SAMSN1: variants seen among roughly 807,000 people sequenced by gnomAD.
SAMSN1 encodes the protein SAM domain, SH3 domain and nuclear localization signals 1.
A neutral mutation model predicts 42.0 loss-of-function variants in SAMSN1; 31 were observed. That is an observed-to-expected ratio of 0.74 (90% CI 0.55 to 1.00). The LOEUF (loss-of-function observed/expected upper bound fraction) is 1.00, where lower values mean the gene tolerates loss of function less well. Ranked by LOEUF, SAMSN1 falls within the 50% of genes least tolerant of loss-of-function variation. The pLI, the probability that SAMSN1 is intolerant of heterozygous loss-of-function variation, is 0.00. For synonymous variants in SAMSN1, 178 were observed against 151.9 expected (o/e 1.17, Z -1.26); for missense variants, 464 against 439.4 (o/e 1.06, Z -0.50).
At chr21:14,587,752 T>C (rs1480769614), upstream of SAMSN1, among the ~76,000 whole-genome samples, 2 of 151,700 alleles carry the variant, frequency 1.3e-5, no homozygotes, top group East Asian at 3.9e-4. Context: ...ACCTTATTTA[T>C]TTATTTATTT....
intron 7 of SAMSN1, among the ~76,000 whole-genome samples, chr21:14,588,771 G>A (rs1031506884): frequency 7.2e-5 from 11 of 151,908 alleles, no homozygotes; most frequent in Non-Finnish European, 1.2e-4. Context: ...TCTCCAAAAT[G>A]TATCTTGAAT....
intron 2 of SAMSN1, among the ~76,000 whole-genome samples, chr21:14,519,205 T>C (rs988081614): frequency 6.6e-6 from 1 of 152,190 alleles, no homozygotes; most frequent in African/African-American, 2.4e-5. Context: ...GCAACAGTAC[T>C]TCCTGAGTGT....
At chr21:14,532,436 T>A (rs1263318768) in intron 1 of SAMSN1, among the ~76,000 whole-genome samples, 3 of 152,188 alleles carry the variant, frequency 2.0e-5, no homozygotes, top group Non-Finnish European at 4.4e-5. Flanking sequence ...AACAGTAAGT[T>A]CATGTTAGGA....
At chr21:14,645,489 G>A (rs1279132499) in intron 1 of SAMSN1, among the ~76,000 whole-genome samples, 1 of 152,228 alleles carries the variant, frequency 6.6e-6, no homozygotes, top group East Asian at 1.9e-4. Flanking sequence ...ATACAGCTTA[G>A]ATTACAAAAC....
At chr21:14,607,162 A>G (rs992477243) in intron 5 of SAMSN1, among the ~76,000 whole-genome samples, 2 of 152,108 alleles carry the variant, frequency 1.3e-5, no homozygotes, top group African/African-American at 4.8e-5. Context: ...TGGGTTGTGG[A>G]TGACAGCAAT....
intron 5 of SAMSN1, among the ~76,000 whole-genome samples, chr21:14,504,001 G>A (rs1205342821): frequency 1.3e-5 from 2 of 152,130 alleles, no homozygotes; most frequent in Non-Finnish European, 2.9e-5. Context: ...GTAGAAGACA[G>A]GTAACAATCA....
At chr21:14,586,603 A>G (rs1420824035), upstream of SAMSN1, among the ~76,000 whole-genome samples, 1 of 152,218 alleles carries the variant, frequency 6.6e-6, no homozygotes, top group African/African-American at 2.4e-5. Flanking sequence ...GGCGATAAAC[A>G]TATAAACAAG....
intron 5 of SAMSN1, 34 bp from the exon 6 acceptor site, chr21:14,500,769 C>CA (rs1279404188): frequency 6.8e-7 from 1 of 1,473,838 alleles, no homozygotes; most frequent in East Asian, 2.3e-5. Flanking sequence ...CATTAGATTT[C>CA]AGAGAACCTC....
chr21:14,544,071 A>G (rs1299278543), intron 1 of SAMSN1, among the ~76,000 whole-genome samples: 1 of 152,186 alleles, frequency 6.6e-6, no homozygotes, highest in African/African-American at 2.4e-5. Context: ...TCTTTTTGAG[A>G]AAGGGTCTTG....
At chr21:14,658,684 T>G (rs775863606) in intron 1 of SAMSN1, 15 of 711,786 alleles carry the variant, frequency 2.1e-5, no homozygotes, top group Non-Finnish European at 3.7e-5. Flanking sequence ...ATATCCTAAT[T>G]TCATTCCTTT....
At chr21:14,492,478 C>T (rs965310157) in intron 7 of SAMSN1, among the ~76,000 whole-genome samples, 7 of 152,160 alleles carry the variant, frequency 4.6e-5, no homozygotes, top group Non-Finnish European at 1.0e-4. Flanking sequence ...AAGCACAGGA[C>T]TAGGGGCTTT....
chr21:14,621,930 C>A (rs1983021953), intron 2 of SAMSN1, among the ~76,000 whole-genome samples: 1 of 152,178 alleles, frequency 6.6e-6, no homozygotes, highest in Non-Finnish European at 1.5e-5. Flanking sequence ...ATGAAGCTTC[C>A]AGAGGAAAGA....
intron 7 of SAMSN1, among the ~76,000 whole-genome samples, chr21:14,486,607 T>C (rs187489083): frequency 3.9e-4 from 59 of 152,300 alleles, no homozygotes; most frequent in Non-Finnish European, 7.6e-4. Context: ...TAAGTAAGAA[T>C]GTACAGTAGG....
intron 1 of SAMSN1, among the ~76,000 whole-genome samples, chr21:14,535,011 G>GA (rs1312481145): frequency 2.0e-5 from 3 of 152,036 alleles, no homozygotes; most frequent in Non-Finnish European, 2.9e-5. Context: ...TCATGAGTTG[G>GA]AAAAAAAGCA....
chr21:14,537,128 C>T lies in SAMSN1; in HGVS notation c.57+9077G>A, dbSNP rs140554847. Among the ~76,000 whole-genome samples, 293 of 152,326 alleles carry T rather than the reference C, an allele frequency of 1.9e-3. 1 individual carries two copies. The highest frequency in any genetic ancestry group is 3.1e-3 in the Admixed American group (48 of 15,300). On this transcript the variant is annotated intron_variant, in intron 1 of 7. Transcript: ENST00000400566. ...CTAAAATTATTTTAATGGCCTAGAA[C>T]GCCTTCAGTGATCCAGCTCTTTGCG...
Position 14,578,551 on chromosome 21 carries a change from C to T in SAMSN1, c.261+3585G>A, listed in dbSNP as rs531684453. On this transcript the variant is annotated intron_variant, in intron 2 of 8. Transcript: ENST00000285670. ...TACAAAAATAAGCCGGGCATGGTGG[C>T]GGGCACCTGTAATCCCAGCTACTAG... is the stretch of plus-strand genomic sequence containing the variant. Among the ~76,000 whole-genome samples, 14 of 151,764 alleles carry T rather than the reference C, an allele frequency of 9.2e-5. No homozygotes were observed. In the South Asian group the frequency reaches 1.0e-3, roughly 11 times the overall value.
rs1245128484 is a variant in SAMSN1 at position 14,517,148 on chromosome 21, T to C, written c.130-107A>G. ...CTGAGTTTGTGGATTTTGCATGCAT[T>C]CTGTGCAGCAGCCTCCAAAATTTCT... On this transcript the variant is annotated intron_variant, in intron 2 of 7. Transcript: ENST00000400566. 4.7e-6 allele frequency: 5 copies of C among 1,054,476 alleles called. No individual in the cohort carries two copies. The East Asian group carries it at 1.3e-4, about 27-fold the overall frequency. The allele number at this position is 1,054,476 out of a possible 1,614,324, so 65.3% of individuals were successfully genotyped here.
chr21:14,629,515 G>A (rs1341097368), intron 2 of SAMSN1, among the ~76,000 whole-genome samples: 3 of 152,148 alleles, frequency 2.0e-5, no homozygotes, highest in African/African-American at 4.8e-5. Flanking sequence ...CTTTCTGATG[G>A]GAAAAGTAAG....
intron 5 of SAMSN1, among the ~76,000 whole-genome samples, chr21:14,606,621 C>T (rs1056651769): frequency 2.0e-5 from 3 of 151,920 alleles, no homozygotes; most frequent in African/African-American, 7.3e-5. Context: ...AACAATTAAC[C>T]TGAATTATAG....
Sources: gnomAD v4.1 joint callset for allele counts (sites outside exome capture counted in the v4.1 genomes callset) on GRCh38, gnomAD v4.1.1 for gene constraint, MANE v1.5 for transcripts, NCBI Gene and HGNC (gene_info 2026-07-23, HGNC 2026-07-21) for gene names.